WDFY3: variants seen among roughly 807,000 people sequenced by gnomAD.
The protein encoded by WDFY3 is WD repeat and FYVE domain containing 3, also known as WD repeat and FYVE domain-containing protein 3.
In WDFY3, 66 loss-of-function variants were observed where a neutral mutation model predicts 409.6. The observed-to-expected ratio is 0.16, with a 90% CI of 0.13 to 0.20. WDFY3 has a LOEUF of 0.20. WDFY3 is among the 10% of genes least tolerant of loss of function. The pLI, the probability that WDFY3 is intolerant of heterozygous loss-of-function variation, is 1.00. For synonymous variants in WDFY3, 1,521 were observed against 1,537.1 expected (o/e 0.99, Z 0.25); for missense variants, 3,031 against 4,298.1 (o/e 0.71, Z 8.24).
intron 32 of WDFY3, among the ~76,000 whole-genome samples, chr4:84,759,336 T>C (rs1258052616): frequency 6.6e-6 from 1 of 152,192 alleles, no homozygotes; most frequent in Non-Finnish European, 1.5e-5. Context: ...TCCAATTCTG[T>C]GAAGAAAGCC....
intron 3 of WDFY3, among the ~76,000 whole-genome samples, chr4:84,861,213 A>C (rs144425593): frequency 5.6e-4 from 86 of 152,286 alleles, no homozygotes; most frequent in African/African-American, 2.0e-3. Flanking sequence ...TCTTTAAATA[A>C]ATAAATAAAA....
At chr4:84,767,076 T>G (rs1169180258) in intron 30 of WDFY3, among the ~76,000 whole-genome samples, 1 of 152,170 alleles carries the variant, frequency 6.6e-6, no homozygotes, top group Non-Finnish European at 1.5e-5. Context: ...ATTAAAGGGT[T>G]GTGGCAACCA....
intron 25 of WDFY3, among the ~76,000 whole-genome samples, chr4:84,781,329 T>G (rs763521475): frequency 6.6e-6 from 1 of 151,900 alleles, no homozygotes; most frequent in Non-Finnish European, 1.5e-5. Flanking sequence ...AAAAGTAACA[T>G]GCATATTATA....
In WDFY3 at chr4:84,794,618, T is replaced by C. The variant is rs534603103; in HGVS notation, c.3388A>G (p.Asn1130Asp). Residue 1130 changes from asparagine to aspartate, a missense_variant, in exon 21 of 68, where the codon AAT becomes GAT. Asn to Asp is a conservative substitution (Grantham distance 23, BLOSUM62 1). Around this residue, in one of 16 missense-constraint regions of WDFY3, gnomAD observed 1,322 missense variants for 1,697.9 expected, o/e 0.78. Transcript: ENST00000295888. ...CACACGTAATGTTGCTCAGAAGAATTTGCTCGGCGCACAACAGTAAGAAGT... is the reference window on the plus strand; with the variant it reads ...CACACGTAATGTTGCTCAGAAGAATCTGCTCGGCGCACAACAGTAAGAAGT... The part of the protein sequence containing the change: ...VRLLTVVRRA[N>D]SSEQHYVCLA... 18 of 1,614,084 alleles carry C rather than the reference T, an allele frequency of 1.1e-5. No homozygotes were observed. Among genetic ancestry groups the C allele is most frequent in the South Asian group, 4.4e-5 (4 of 91,082 alleles).
intron 3 of WDFY3, chr4:84,879,310 G>A (rs1333064302): frequency 6.6e-6 from 1 of 152,134 alleles, no homozygotes; most frequent in Non-Finnish European, 1.5e-5. Flanking sequence ...GGTAGTTCAT[G>A]ACTGTATTTA....
chr4:84,964,032 A>G (rs1484480695), intron 1 of WDFY3, among the ~76,000 whole-genome samples: 3 of 152,234 alleles, frequency 2.0e-5, no homozygotes, highest in African/African-American at 4.8e-5. Flanking sequence ...TTATATCTAG[A>G]AGTTCATAAT....
At chr4:84,800,612 AT>A (rs1750343486) in intron 17 of WDFY3, among the ~76,000 whole-genome samples, 1 of 152,208 alleles carries the variant, frequency 6.6e-6, no homozygotes, top group South Asian at 2.1e-4. Flanking sequence ...GTATAACTTC[AT>A]TTATGTAACA....
At chr4:84,766,214 G>A (rs1743604694) in intron 31 of WDFY3, 38 bp downstream of exon 31, 6 of 1,545,914 alleles carry the variant, frequency 3.9e-6, no homozygotes, top group African/African-American at 2.8e-5. Context: ...ACTAGTAGTA[G>A]CAACTGGTAT....
Position 84,837,787 on chromosome 4 carries a change from C to T in WDFY3, c.415-697G>A, listed in dbSNP as rs150756218. On this transcript the variant is annotated intron_variant, in intron 6 of 67. Coordinates refer to ENST00000295888, the MANE Select transcript of WDFY3 (RefSeq NM_014991.6). ...GAAGTTCAACTGCACTAGAGATCAA[C>T]AGACTGGTATAATCTGTTGATTAGT... Among the ~76,000 whole-genome samples, 26 of 152,252 alleles carry T rather than the reference C, an allele frequency of 1.7e-4. No individual in the cohort carries two copies. The East Asian group carries it at 5.0e-3, about 29-fold the overall frequency.
chr4:84,704,118 T>TGTATTTGATTAAAGGATGCTGGCAC, intron 55 of WDFY3, among the ~76,000 whole-genome samples: 1 of 152,214 alleles, frequency 6.6e-6, no homozygotes, highest in South Asian at 2.1e-4. Context: ...ATGCTACTTA[T>TGTATTTGATTAAAGGATGCTGGCAC]GTATTTGATT....
At chr4:84,813,349 T>C (rs930635336) in intron 13 of WDFY3, among the ~76,000 whole-genome samples, 3 of 152,178 alleles carry the variant, frequency 2.0e-5, no homozygotes, top group African/African-American at 7.2e-5. Flanking sequence ...TGTAAGTCAG[T>C]TGTTAAACGT....
chr4:84,756,608 A>AATAAAATAAT (rs1741502334), intron 33 of WDFY3, among the ~76,000 whole-genome samples: 2 of 148,276 alleles, frequency 1.3e-5, no homozygotes, highest in Non-Finnish European at 3.0e-5. Context: ...AATAAAATAA[A>AATAAAATAAT]ATAAAATAAA....
At chr4:84,945,632 A>G (rs1300513800) in intron 1 of WDFY3, among the ~76,000 whole-genome samples, 1 of 152,116 alleles carries the variant, frequency 6.6e-6, no homozygotes, top group African/African-American at 2.4e-5. Context: ...ACCTTCTGAT[A>G]TTGGGGTGCT....
intron 27 of WDFY3, among the ~76,000 whole-genome samples, chr4:84,775,729 T>C (rs913837507): frequency 7.3e-5 from 11 of 151,448 alleles, no homozygotes; most frequent in Admixed American, 6.6e-5. Context: ...AAAATTCAAA[T>C]GTGATGAAAA....
At chr4:84,948,710 A>G (rs1210789791) in intron 1 of WDFY3, among the ~76,000 whole-genome samples, 2 of 152,128 alleles carry the variant, frequency 1.3e-5, no homozygotes, top group African/African-American at 4.8e-5. Flanking sequence ...TCCTGTTTAT[A>G]GCTCAGCTAT....
intron 4 of WDFY3, among the ~76,000 whole-genome samples, chr4:84,859,109 G>C (rs1486229394): frequency 6.6e-6 from 1 of 151,922 alleles, no homozygotes; most frequent in African/African-American, 2.4e-5. Flanking sequence ...CGAGAGAAGG[G>C]AAACCAAGAA....
intron 3 of WDFY3, among the ~76,000 whole-genome samples, chr4:84,864,489 A>G (rs1054303381): frequency 6.6e-6 from 1 of 152,064 alleles, no homozygotes; most frequent in Admixed American, 6.6e-5. Flanking sequence ...CTACCAATCC[A>G]TGAACAAAAG....
At chr4:84,912,904 C>T (rs1197540581) in intron 2 of WDFY3, among the ~76,000 whole-genome samples, 1 of 152,088 alleles carries the variant, frequency 6.6e-6, no homozygotes, top group Non-Finnish European at 1.5e-5. Flanking sequence ...GCTGCTAAAC[C>T]CTGAGTCTTG....
intron 48 of WDFY3, among the ~76,000 whole-genome samples, chr4:84,717,889 A>G (rs546510053): frequency 6.6e-6 from 1 of 152,026 alleles, no homozygotes; most frequent in East Asian, 1.9e-4. Context: ...TCTACTAAAA[A>G]TACAAAAAAT....
Sources: gnomAD v4.1 joint callset for allele counts (sites outside exome capture counted in the v4.1 genomes callset) on GRCh38, gnomAD v4.1.1 for gene constraint, gnomAD v4.1.1 regional missense constraint, MANE v1.5 for transcripts, NCBI Gene and HGNC (gene_info 2026-07-23, HGNC 2026-07-21) for gene names.